The following PARP6 variants were observed in gnomAD, a reference collection of about 807,000 sequenced individuals.
The protein encoded by PARP6 is protein mono-ADP-ribosyltransferase PARP6.
A neutral mutation model predicts 92.0 loss-of-function variants in PARP6; 27 were observed. That is an observed-to-expected ratio of 0.29 (90% CI 0.22 to 0.40). The LOEUF is 0.40. Among genes scored for constraint, PARP6 ranks in the 10% least tolerant of loss-of-function variants. The pLI, the probability that PARP6 is intolerant of heterozygous loss-of-function variation, is 1.00. For missense variants in PARP6, 501 were observed against 784.5 expected (o/e 0.64, Z 4.32); for synonymous variants, 272 against 281.2 (o/e 0.97, Z 0.33).
At chr15:72,257,953 C>A in intron 12 of PARP6, 84 bp downstream of exon 12, 2 of 999,274 alleles carry the variant, frequency 2.0e-6, no homozygotes, top group South Asian at 1.3e-5. Context: ...TTTACCTTGA[C>A]CACAGACCAA....
chr15:72,256,363 TC>T lies in PARP6; in HGVS notation c.1125+101del, dbSNP rs1461391002. On this transcript the variant is annotated intron_variant, in intron 14 of 23. Coordinates refer to ENST00000569795, the MANE Select transcript of PARP6 (RefSeq NM_001323532.2). ...TAAATCACAGAGTTTAAGAATTCTGTCCCTTATTCCAAGCCCTGTATATACC... is the reference window on the plus strand; with the variant it reads ...TAAATCACAGAGTTTAAGAATTCTGTCCTTATTCCAAGCCCTGTATATACC... 5.9e-5 allele frequency: 54 copies of T among 919,374 alleles called. No homozygotes were observed. In the East Asian group the frequency reaches 1.6e-3, roughly 27 times the overall value. 57.0% of individuals were successfully genotyped at this position (919,374 alleles called of 1,614,324 possible).
chr15:72,268,947 C>T (rs1209684622), intron 2 of PARP6, among the ~76,000 whole-genome samples: 1 of 152,146 alleles, frequency 6.6e-6, no homozygotes, highest in African/African-American at 2.4e-5. Context: ...TTAAAACCTC[C>T]ACATATAGCA....
chr15:72,254,210 A>G, intron 15 of PARP6: 1 of 561,306 alleles, frequency 1.8e-6, no homozygotes, highest in East Asian at 3.1e-5. Context: ...ATTAAATATG[A>G]ACAACTTGTA....
chr15:72,268,888 C>A (rs781554671), intron 2 of PARP6, among the ~76,000 whole-genome samples: 1 of 152,172 alleles, frequency 6.6e-6, no homozygotes, highest in Non-Finnish European at 1.5e-5. Flanking sequence ...TCCCTGCTCG[C>A]TTCTAATCCC....
intron 18 of PARP6, 50 bp from the exon 19 acceptor site, chr15:72,250,142 G>A: frequency 8.3e-7 from 1 of 1,202,560 alleles, no homozygotes; most frequent in Non-Finnish European, 1.2e-6. Context: ...AGGTTCCCAG[G>A]AACACTCCCA....
chr15:72,248,807 T>G (rs2083950062), intron 20 of PARP6, among the ~76,000 whole-genome samples: 1 of 152,216 alleles, frequency 6.6e-6, no homozygotes, highest in African/African-American at 2.4e-5. Flanking sequence ...AGTTTAAATT[T>G]TAAAAGATGG....
At chr15:72,270,078 AG>A (rs1201119272) in intron 2 of PARP6, among the ~76,000 whole-genome samples, 1 of 152,162 alleles carries the variant, frequency 6.6e-6, no homozygotes, top group African/African-American at 2.4e-5. Context: ...TACCAACTTA[AG>A]TCTGGTAACT....
intron 15 of PARP6, 198 bp from the exon 16 acceptor site, chr15:72,253,702 G>C: frequency 1.4e-6 from 1 of 689,836 alleles, no homozygotes. Flanking sequence ...GAAAATGACT[G>C]AAGATGCTTA....
rs769860449 is a variant in PARP6, at chr15:72,250,047, C to T, written c.1464G>A (p.Leu488=). The change falls in exon 19 of 24, where the codon CTG becomes CTA. Residue 488 remains leucine, a synonymous_variant. Coordinates refer to ENST00000569795, the MANE Select transcript of PARP6 (RefSeq NM_001323532.2). ...ENWHSILRNG[L]VNASYTKLQL... ...GCAGTTTGGTGTAGGATGCATTGAC[C>T]AGCCCATTGCGCAGGATCGAATGCC... The T allele has an allele frequency of 1.4e-5, 22 of 1,611,324 alleles. No homozygotes were observed. Among genetic ancestry groups the T allele is most frequent in the Non-Finnish European group, 1.9e-5 (22 of 1,177,568 alleles).
intron 2 of PARP6, among the ~76,000 whole-genome samples, chr15:72,269,899 C>CAAA (rs59023007): frequency 1.0e-5 from 1 of 100,212 alleles, no homozygotes. Flanking sequence ...AACTCTGTCT[C>CAAA]AAAAAAAAAA....
chr15:72,264,575 C>A lies in PARP6; in HGVS notation c.375G>T (p.Gly125=). The A allele has an allele frequency of 6.2e-7, 1 of 1,613,950 alleles. No individual in the cohort carries two copies. The highest frequency in any genetic ancestry group is 8.5e-7 in the Non-Finnish European group (1 of 1,179,858). ...CTTACTTTTTCAACTGAAGACCCAG[C>A]CCAAATCCTTCCTTATTTGATGGCT... ...VFQPSNKEGF[G]LGLQLKKILG... The change falls in exon 8 of 24, where the codon GGG becomes GGT. Residue 125 remains glycine (G), a synonymous_variant. Coordinates refer to ENST00000569795, the MANE Select transcript of PARP6 (RefSeq NM_001323532.2).
chr15:72,254,884 T>C (rs182350767), intron 14 of PARP6, among the ~76,000 whole-genome samples: 2 of 152,250 alleles, frequency 1.3e-5, no homozygotes, highest in African/African-American at 2.4e-5. Flanking sequence ...GTTAATTTTG[T>C]GTGTCAACTT....
At chr15:72,269,989 C>G (rs1391123119) in intron 2 of PARP6, among the ~76,000 whole-genome samples, 1 of 151,710 alleles carries the variant, frequency 6.6e-6, no homozygotes, top group African/African-American at 2.4e-5. Context: ...CCAAGTTGTT[C>G]TGATGCATAA....
chr15:72,242,515 CA>C lies in PARP6; in HGVS notation c.1641+104del. 1 of 820,830 alleles carries C rather than the reference CA, an allele frequency of 1.2e-6. No individual in the cohort carries two copies. The highest frequency in any genetic ancestry group is 2.1e-6 in the Non-Finnish European group (1 of 473,328). 50.8% of individuals were successfully genotyped at this position (820,830 alleles called of 1,614,324 possible). On this transcript the variant is annotated intron_variant, in intron 21 of 23. Coordinates refer to ENST00000569795, the MANE Select transcript of PARP6 (RefSeq NM_001323532.2). The surrounding 1 kb of genome is among the most constrained non-coding windows in gnomAD (Gnocchi z 4.3). ...CATACCTGACTCCTTTAAATGATCT[CA>C]AATCACTCCCCAACCCATTCTCACC...
rs865904602 is a variant in PARP6, at chr15:72,265,477, T to C, written c.177-4A>G. 10 of 1,609,938 alleles carry C rather than the reference T, an allele frequency of 6.2e-6. No homozygotes were observed. The Admixed American group carries it at 6.7e-5, about 11-fold the overall frequency. On this transcript the variant is annotated splice_region_variant and splice_polypyrimidine_tract_variant and intron_variant, in intron 5 of 23. Coordinates refer to ENST00000569795, the MANE Select transcript of PARP6 (RefSeq NM_001323532.2). ...GTCATCGATAGTTCCATATTCTCTATAGAGATACAGGTGACAACAGGTGAG... is the reference window on the plus strand; with the variant it reads ...GTCATCGATAGTTCCATATTCTCTACAGAGATACAGGTGACAACAGGTGAG...
intron 14 of PARP6, 129 bp from the exon 15 acceptor site, chr15:72,254,649 G>A (rs2084827021): frequency 1.5e-6 from 1 of 665,908 alleles, no homozygotes; most frequent in East Asian, 2.6e-5. Context: ...CATGGAAAGA[G>A]CATTAATGTC....
At chr15:72,250,757 T>C in intron 18 of PARP6, 88 bp downstream of exon 18, 3 of 730,032 alleles carry the variant, frequency 4.1e-6, no homozygotes, top group East Asian at 2.7e-5. Context: ...GATGGACACA[T>C]GTAACACAAA....
rs765160324 is a variant in PARP6, at chr15:72,241,494, T to C, written c.1854A>G (p.Glu618=). 6.2e-7 allele frequency: 1 copy of C among 1,614,194 alleles called. No individual in the cohort carries two copies. Among genetic ancestry groups the C allele is most frequent in the South Asian group, 1.1e-5 (1 of 91,084 alleles). ...CCTGAGTTCCGATCACACGCATGATTTCCTTCTGTATCTTGGGGTCCTGAG... is the reference window on the plus strand; with the variant it reads ...CCTGAGTTCCGATCACACGCATGATCTCCTTCTGTATCTTGGGGTCCTGAG... The part of the protein sequence containing the change: ...INTQDPKIQK[E]IMRVIGTQVY... Residue 618 remains glutamate (E), a synonymous_variant, in exon 24 of 24, where the codon GAA becomes GAG. Coordinates refer to ENST00000569795, the MANE Select transcript of PARP6 (RefSeq NM_001323532.2). The surrounding 1 kb of genome is among the most constrained non-coding windows in gnomAD (Gnocchi z 4.1).
chr15:72,258,251 A>C (rs1597066327), intron 11 of PARP6, 119 bp from the exon 12 acceptor site: 2 of 721,438 alleles, frequency 2.8e-6, no homozygotes, highest in African/African-American at 3.5e-5. Flanking sequence ...CTAAGGTAGG[A>C]TATATTCTTA....
Sources: gnomAD v4.1 joint callset for allele counts (sites outside exome capture counted in the v4.1 genomes callset) on GRCh38, gnomAD v4.1.1 for gene constraint, Gnocchi (gnomAD v3.1) non-coding constraint, MANE v1.5 for transcripts, NCBI Gene and HGNC (gene_info 2026-07-23, HGNC 2026-07-21) for gene names.